The following SDK1 variants were observed in gnomAD, a reference collection of about 807,000 sequenced individuals.
SDK1 encodes the protein sidekick cell adhesion molecule 1.
In SDK1, 157 loss-of-function variants were observed where a neutral mutation model predicts 245.5. The ratio of observed to expected loss-of-function variants is 0.64; its 90% CI spans 0.56 to 0.73. The LOEUF (loss-of-function observed/expected upper bound fraction) is 0.73, where lower values mean the gene tolerates loss of function less well. SDK1 is among the 30% of genes least tolerant of loss of function. The pLI is 0.00. For synonymous variants in SDK1, 1,647 were observed against 1,278.5 expected, an observed-to-expected ratio of 1.29 and a Z score of -6.15; for missense variants, 3,583 against 3,002.3, an observed-to-expected ratio of 1.19 and a Z score of -4.52.
At chr7:3,922,934 C>T (rs966166835) in intron 5 of SDK1, among the ~76,000 whole-genome samples, 3 of 152,164 alleles carry the variant, frequency 2.0e-5, no homozygotes, top group Admixed American at 6.5e-5. Flanking sequence ...CTTATCTTTT[C>T]CTCATCATAG....
At chr7:4,135,293 A>C (rs1584251839) in intron 28 of SDK1, among the ~76,000 whole-genome samples, 1 of 152,054 alleles carries the variant, frequency 6.6e-6, no homozygotes, top group Non-Finnish European at 1.5e-5. Context: ...AGACCCCTAC[A>C]CCCTTGCCAG....
chr7:4,259,673 G>C (rs1787856656), intron 44 of SDK1, among the ~76,000 whole-genome samples: 2 of 152,148 alleles, frequency 1.3e-5, no homozygotes, highest in African/African-American at 4.8e-5. Context: ...CTCACCTAGG[G>C]GTAAGCTGCC....
chr7:4,218,907 C>G lies in SDK1; in HGVS notation c.5540-1202C>G, dbSNP rs145461044. Among the ~76,000 whole-genome samples, 65 of 151,608 alleles carry G rather than the reference C, an allele frequency of 4.3e-4. 1 individual carries two copies. The highest frequency in any genetic ancestry group is 1.8e-4 in the Non-Finnish European group (12 of 67,914). Reference sequence around the variant, plus strand: ...TATCTAACTGTTTTTTTTTTTAATGCATCATTTTCAAACTTGTTTAACCAA... The same window carrying G: ...TATCTAACTGTTTTTTTTTTTAATGGATCATTTTCAAACTTGTTTAACCAA... On this transcript the variant is annotated intron_variant, in intron 38 of 44. Transcript: ENST00000404826.
At chr7:3,338,221 A>C (rs1466861607) in intron 1 of SDK1, 1 of 286,698 alleles carries the variant, frequency 3.5e-6, no homozygotes, top group Non-Finnish European at 6.7e-6. Context: ...ATACCTGCAA[A>C]TCTATAAGAA....
chr7:3,359,616 C>T (rs976892506), intron 1 of SDK1, among the ~76,000 whole-genome samples: 1 of 152,176 alleles, frequency 6.6e-6, no homozygotes, highest in African/African-American at 2.4e-5. Flanking sequence ...GTCCACACCA[C>T]AGGATCACCG....
chr7:3,786,962 AATAGAGT>A (rs1366574371), intron 4 of SDK1, among the ~76,000 whole-genome samples: 1 of 152,152 alleles, frequency 6.6e-6, no homozygotes, highest in East Asian at 1.9e-4. Context: ...AAATAGAAGA[AATAGAGT>A]ATAAACATTG....
At chr7:3,968,993 A>G (rs1312021790) in intron 10 of SDK1, among the ~76,000 whole-genome samples, 4 of 152,174 alleles carry the variant, frequency 2.6e-5, no homozygotes, top group Non-Finnish European at 4.4e-5. Context: ...GAGAAAGAGC[A>G]AAGGGGGAAG....
chr7:3,343,553 T>A (rs1415605566), intron 1 of SDK1, among the ~76,000 whole-genome samples: 2 of 152,114 alleles, frequency 1.3e-5, no homozygotes, highest in East Asian at 3.9e-4. Context: ...GGGATCCTTG[T>A]GGTGGTGGAA....
intron 30 of SDK1, among the ~76,000 whole-genome samples, chr7:4,155,307 G>A (rs1181500427): frequency 6.6e-6 from 1 of 151,924 alleles, no homozygotes; most frequent in Non-Finnish European, 1.5e-5. Context: ...AGTGAGTCCG[G>A]CAAAACACAG....
intron 5 of SDK1, among the ~76,000 whole-genome samples, chr7:3,892,563 A>G (rs536123515): frequency 7.5e-4 from 115 of 152,358 alleles, no homozygotes; most frequent in African/African-American, 2.5e-3. Flanking sequence ...AGGAGAGGGC[A>G]GAGACAAATC....
intron 4 of SDK1, among the ~76,000 whole-genome samples, chr7:3,784,828 A>G (rs928385476): frequency 2.6e-5 from 4 of 152,242 alleles, no homozygotes; most frequent in Admixed American, 6.5e-5. Context: ...TAGAACTGCC[A>G]TATGATCTGG....
intron 4 of SDK1, among the ~76,000 whole-genome samples, chr7:3,698,577 T>C (rs781254593): frequency 6.6e-6 from 1 of 152,186 alleles, no homozygotes; most frequent in Non-Finnish European, 1.5e-5. Context: ...CAGCTCAGGC[T>C]GCTATAGTAA....
intron 17 of SDK1, among the ~76,000 whole-genome samples, chr7:4,029,890 A>G (rs1462262380): frequency 6.6e-6 from 1 of 152,224 alleles, no homozygotes. Context: ...ACACACTGAA[A>G]TGTAGAAAGG....
chr7:4,063,998 C>T lies in SDK1; in HGVS notation c.2912-3840C>T, dbSNP rs986182939. 8.5e-5 allele frequency among the ~76,000 whole-genome samples: 13 copies of T among 152,052 alleles called. 1 individual carries two copies. The highest frequency in any genetic ancestry group is 8.5e-4 in the Admixed American group (13 of 15,254). ...CTACTAAAATAAAACACAGGGGAAA[C>T]ACTTCAGGACATTAGTGTAGGCAAA... On this transcript the variant is annotated intron_variant, in intron 19 of 44. Transcript: ENST00000404826.
intron 17 of SDK1, among the ~76,000 whole-genome samples, chr7:4,018,266 C>T (rs1020305): frequency 2.2e-4 from 34 of 152,328 alleles, no homozygotes; most frequent in African/African-American, 8.2e-4. Flanking sequence ...TTTCAGATGA[C>T]AAGGTTTCTG....
rs367967209 is a variant in SDK1 at position 3,962,635 on chromosome 7, A to G, written c.1235-22A>G. 123 of 1,570,050 alleles carry G rather than the reference A, an allele frequency of 7.8e-5. 2 individuals are homozygous for G. The East Asian group carries it at 1.4e-3, about 18-fold the overall frequency. On this transcript the variant is annotated intron_variant, in intron 8 of 44. Transcript: ENST00000404826. Reference sequence around the variant, plus strand: ...CGTCAGGAATTATTTTTAAAATCCTATTTATTCCCATTCCTACGCAGGGGT... The same window carrying G: ...CGTCAGGAATTATTTTTAAAATCCTGTTTATTCCCATTCCTACGCAGGGGT...
chr7:3,459,120 A>G (rs1780758399), intron 1 of SDK1, among the ~76,000 whole-genome samples: 1 of 152,176 alleles, frequency 6.6e-6, no homozygotes, highest in African/African-American at 2.4e-5. Flanking sequence ...ATAGTATTGT[A>G]TCTTCTAACC....
At chr7:3,775,632 A>C (rs997310078) in intron 4 of SDK1, among the ~76,000 whole-genome samples, 119 of 149,384 alleles carry the variant, frequency 8.0e-4, no homozygotes, top group African/African-American at 2.9e-3. Flanking sequence ...TGCGGACTGC[A>C]GTGGCGTAAT....
At chr7:3,391,511 T>G (rs773998957) in intron 1 of SDK1, among the ~76,000 whole-genome samples, 6 of 152,186 alleles carry the variant, frequency 3.9e-5, no homozygotes, top group Non-Finnish European at 8.8e-5. Context: ...ATAAAAAATT[T>G]CTTTCCACAA....
Sources: allele counts gnomAD v4.1 joint callset (sites outside exome capture counted in the v4.1 genomes callset), GRCh38; gene constraint gnomAD v4.1.1; transcripts MANE v1.5; gene names NCBI Gene and HGNC (gene_info 2026-07-23, HGNC 2026-07-21).